Variants in OSBPL8 observed in about 807,000 individuals in gnomAD.
The protein encoded by OSBPL8 is oxysterol binding protein like 8.
A neutral mutation model predicts 125.5 loss-of-function variants in OSBPL8; 59 were observed. The ratio of observed to expected loss-of-function variants is 0.47; its 90% confidence interval spans 0.38 to 0.58. The LOEUF is 0.58. Among genes scored for constraint, OSBPL8 ranks in the 20% least tolerant of loss-of-function variants. OSBPL8 has a pLI of 0.00. For missense variants in OSBPL8, 758 were observed against 1,047.8 expected, an observed-to-expected ratio of 0.72 and a Z score of 3.82; for synonymous variants, 330 against 338.9, an observed-to-expected ratio of 0.97 and a Z score of 0.29.
In OSBPL8 at chr12:76,410,632, A is replaced by T; in HGVS notation, c.220T>A (p.Phe74Ile). 6.3e-7 allele frequency: 1 copy of T among 1,596,122 alleles called. No homozygotes were observed. Among genetic ancestry groups the T allele is most frequent in the Non-Finnish European group, 8.6e-7 (1 of 1,165,026 alleles). Reference protein sequence around the residue: ...LSPASPHSQGFERGKEDISQN... With the variant: ...LSPASPHSQGIERGKEDISQN... ...GAAATATCTTCCTTCCCTCTTTCAAAACCTTAAAAAAATAGTCAGCATATC... is the reference window on the plus strand; with the variant it reads ...GAAATATCTTCCTTCCCTCTTTCAATACCTTAAAAAAATAGTCAGCATATC... Residue 74 changes from phenylalanine to isoleucine, a missense_variant and splice_region_variant, in exon 5 of 24, where the codon TTT (phenylalanine) becomes ATT (isoleucine). By Grantham distance (21) the Phe-to-Ile change is conservative. Transcript: ENST00000261183.
intron 1 of OSBPL8, among the ~76,000 whole-genome samples, chr12:76,493,291 G>A (rs1179864954): frequency 6.6e-6 from 1 of 152,176 alleles, no homozygotes; most frequent in Non-Finnish European, 1.5e-5. Flanking sequence ...AGCTCTACAA[G>A]TATCCTCAAT....
At chr12:76,555,949 G>A (rs757880814) in intron 1 of OSBPL8, among the ~76,000 whole-genome samples, 2 of 152,130 alleles carry the variant, frequency 1.3e-5, no homozygotes, top group Non-Finnish European at 2.9e-5. Context: ...TTTGCTGCAC[G>A]TTGTCTACCC....
Position 76,386,246 on chromosome 12 carries a change from A to C in OSBPL8, c.1455T>G (p.Asn485Lys). 1.9e-6 allele frequency: 3 copies of C among 1,602,036 alleles called. No homozygotes were observed. The highest frequency in any genetic ancestry group is 2.6e-6 in the Non-Finnish European group (3 of 1,176,130). ...AACGGAAAGTCTCGCCAAGTATAGG[A>C]TTATAAGGTTTCTTCAGTCCCTGGT... ...KKPKGLKKPY[N>K]PILGETFRCL... is the part of the protein sequence containing the mutation. Residue 485 changes from asparagine (N) to lysine (K), a missense_variant, in exon 14 of 24, where the codon AAT becomes AAG. By Grantham distance (94) the Asn-to-Lys change is moderately conservative. Transcript: ENST00000261183.
At chr12:76,368,046 G>A (rs900143219) in intron 21 of OSBPL8, among the ~76,000 whole-genome samples, 1 of 152,132 alleles carries the variant, frequency 6.6e-6, no homozygotes, top group African/African-American at 2.4e-5. Flanking sequence ...TCTTCATACA[G>A]CTTTGAGTTT....
intron 10 of OSBPL8, 78 bp downstream of exon 10, chr12:76,392,503 A>C: frequency 1.4e-6 from 2 of 1,384,246 alleles, no homozygotes; most frequent in South Asian, 1.5e-5. Context: ...ACACTACTAA[A>C]ATTCTAGGCC....
At chr12:76,518,326 G>A (rs985759688) in intron 1 of OSBPL8, among the ~76,000 whole-genome samples, 15 of 152,192 alleles carry the variant, frequency 9.9e-5, no homozygotes, top group African/African-American at 3.6e-4. Context: ...GCAACCTTGT[G>A]TGAGGGGTGG....
chr12:76,514,825 T>C (rs1312281507), intron 1 of OSBPL8, among the ~76,000 whole-genome samples: 2 of 152,200 alleles, frequency 1.3e-5, no homozygotes, highest in African/African-American at 4.8e-5. Flanking sequence ...CATAATCCCA[T>C]ACTTCTCGAA....
At chr12:76,406,602 G>T (rs1185387404) in intron 5 of OSBPL8, among the ~76,000 whole-genome samples, 1 of 152,116 alleles carries the variant, frequency 6.6e-6, no homozygotes, top group East Asian at 1.9e-4. Context: ...CCTAGGAAAA[G>T]GTGCATGAGA....
intron 1 of OSBPL8, among the ~76,000 whole-genome samples, chr12:76,496,326 G>A (rs1879264155): frequency 6.6e-6 from 1 of 151,410 alleles, no homozygotes; most frequent in South Asian, 2.1e-4. Flanking sequence ...CAAGTATCTG[G>A]TGATCCTGAG....
chr12:76,391,637 C>T (rs1208503064), intron 10 of OSBPL8, among the ~76,000 whole-genome samples: 2 of 152,044 alleles, frequency 1.3e-5, no homozygotes, highest in Non-Finnish European at 2.9e-5. Flanking sequence ...GTAATACAGG[C>T]CTGTAGTTCT....
At chr12:76,483,130 C>T (rs567143032) in intron 2 of OSBPL8, among the ~76,000 whole-genome samples, 3 of 152,108 alleles carry the variant, frequency 2.0e-5, no homozygotes, top group Admixed American at 2.0e-4. Context: ...CATGGTGGCG[C>T]TCGCCTGTAG....
At chr12:76,361,367 GT>G (rs1350131245) in intron 21 of OSBPL8, among the ~76,000 whole-genome samples, 1 of 152,160 alleles carries the variant, frequency 6.6e-6, no homozygotes, top group African/African-American at 2.4e-5. Flanking sequence ...CCTGGACCTT[GT>G]TTTTCACATC....
chr12:76,545,597 G>C (rs903819925), intron 1 of OSBPL8, among the ~76,000 whole-genome samples: 4 of 152,120 alleles, frequency 2.6e-5, no homozygotes, highest in African/African-American at 9.7e-5. Flanking sequence ...TACAGACTAA[G>C]AATGGCTATC....
At chr12:76,555,313 A>T (rs1951060536) in intron 1 of OSBPL8, among the ~76,000 whole-genome samples, 1 of 152,182 alleles carries the variant, frequency 6.6e-6, no homozygotes, top group African/African-American at 2.4e-5. Flanking sequence ...GAGCTTCAAA[A>T]ATTTGAGGCT....
chr12:76,556,475 T>TA (rs377457515), intron 1 of OSBPL8, among the ~76,000 whole-genome samples: 37 of 116,548 alleles, frequency 3.2e-4, no homozygotes, highest in African/African-American at 1.1e-3. Context: ...AAGAAAGATC[T>TA]AAAATCTCTC....
At chr12:76,510,887 A>G (rs1368486961) in intron 1 of OSBPL8, among the ~76,000 whole-genome samples, 1 of 143,816 alleles carries the variant, frequency 7.0e-6, no homozygotes, top group Non-Finnish European at 1.6e-5. Context: ...ATCTCAAAAA[A>G]AAAAAAAAAA....
chr12:76,402,885 T>C (rs528319758), intron 5 of OSBPL8, 119 bp from the exon 6 acceptor site: 76 of 670,434 alleles, frequency 1.1e-4, no homozygotes, highest in East Asian at 8.6e-4. Context: ...TAAGCAAATG[T>C]CAATTTTCAA....
intron 1 of OSBPL8, among the ~76,000 whole-genome samples, chr12:76,513,274 C>T (rs1881188961): frequency 6.6e-6 from 1 of 151,960 alleles, no homozygotes; most frequent in Non-Finnish European, 1.5e-5. Context: ...ATTTGTATTG[C>T]ACTGTGGTCC....
intron 21 of OSBPL8, among the ~76,000 whole-genome samples, chr12:76,360,438 G>C (rs187930466): frequency 1.1e-4 from 17 of 152,338 alleles, no homozygotes. Context: ...TGCTTTCATG[G>C]GCTGGCGCTG....
Sources: allele counts gnomAD v4.1 joint callset (sites outside exome capture counted in the v4.1 genomes callset), GRCh38; gene constraint gnomAD v4.1.1; transcripts MANE v1.5; gene names NCBI Gene and HGNC (gene_info 2026-07-23, HGNC 2026-07-21).